ATP23: variants seen among roughly 807,000 people sequenced by gnomAD.
ATP23 encodes mitochondrial inner membrane protease ATP23 homolog.
A neutral mutation model predicts 28.5 loss-of-function variants in ATP23; 24 were observed. That is an observed-to-expected ratio of 0.84 (90% CI 0.61 to 1.18). ATP23 has a LOEUF of 1.18. Ranked by LOEUF, ATP23 falls within the 50% of genes most tolerant of loss-of-function variation. ATP23 has a pLI of 0.00. For missense variants in ATP23, 274 were observed against 306.4 expected, an observed-to-expected ratio of 0.89 and a Z score of 0.79; for synonymous variants, 99 against 108.6, an observed-to-expected ratio of 0.91 and a Z score of 0.55.
At position 57,951,841 on chromosome 12, in the gene ATP23, T is replaced by C; in HGVS notation, c.399T>C (p.His133=). 6.2e-7 allele frequency: 1 copy of C among 1,614,184 alleles called. No homozygotes were observed. Among genetic ancestry groups the C allele is most frequent in the Non-Finnish European group, 8.5e-7 (1 of 1,180,030 alleles). Residue 133 remains histidine, a synonymous_variant, in exon 4 of 6, where the codon CAT becomes CAC. Transcript: ENST00000300145. The part of the protein sequence containing the change: ...VTHELIHAFD[H]CRAHVDWFTN... ...ACGAGCTTATTCATGCATTTGATCATTGTCGTGCCCATGTCGACTGGTTCA... is the reference window on the plus strand; with the variant it reads ...ACGAGCTTATTCATGCATTTGATCACTGTCGTGCCCATGTCGACTGGTTCA...
Position 57,958,401 on chromosome 12 carries a change from C to T in ATP23, c.*1511C>T, listed in dbSNP as rs150565537. On this transcript the variant is annotated 3_prime_UTR_variant, in exon 6 of 6. Coordinates refer to ENST00000300145, the MANE Select transcript of ATP23 (RefSeq NM_033276.4). ...ACCACAACTGATGCTCTCTGGAAAG[C>T]GCTACCTCCTGGCAGGAGGCCAGCC... Among the ~76,000 whole-genome samples, 723 of 152,316 alleles carry T rather than the reference C, an allele frequency of 4.7e-3. 9 individuals carry two copies. The highest frequency in any genetic ancestry group is 0.017 in the African/African-American group (686 of 41,570).
chr12:57,949,543 G>C (rs1035052901), intron 3 of ATP23, among the ~76,000 whole-genome samples: 41 of 152,018 alleles, frequency 2.7e-4, no homozygotes, highest in African/African-American at 9.4e-4. Context: ...GCCTAGGCTG[G>C]AGTGCAGTGG....
chr12:57,953,857 T>C (rs1956839017), intron 5 of ATP23, among the ~76,000 whole-genome samples, 168 bp downstream of exon 5: 1 of 152,264 alleles, frequency 6.6e-6, no homozygotes, highest in African/African-American at 2.4e-5. Flanking sequence ...AGTTCTACTT[T>C]GTAATTATGG....
intron 1 of ATP23, among the ~76,000 whole-genome samples, chr12:57,943,388 G>T (rs1013301491): frequency 1.3e-5 from 2 of 152,122 alleles, no homozygotes; most frequent in African/African-American, 2.4e-5. Context: ...GTGAAGAATA[G>T]ATTTTATGGG....
rs534996348 is a variant in ATP23, at chr12:57,947,068, A to G, written c.307A>G (p.Thr103Ala). ...GNVSGGFDAS[T>A]SQIVLCQNNI... ...TGTCAGTGGAGGTTTTGATGCTTCA[A>G]CATCTCAGGTAGGCATTATTGCCAA... Residue 103 changes from threonine to alanine, a missense_variant, in exon 3 of 6, where the codon ACA becomes GCA. Physicochemically the swap from Thr to Ala is moderately conservative, Grantham distance 58. Coordinates refer to ENST00000300145, the MANE Select transcript of ATP23 (RefSeq NM_033276.4). 1.2e-6 allele frequency: 2 copies of G among 1,613,992 alleles called. No homozygotes were observed. The highest frequency in any genetic ancestry group is 2.7e-5 in the African/African-American group (2 of 75,014).
At chr12:57,954,230 G>A (rs1342156419) in intron 5 of ATP23, among the ~76,000 whole-genome samples, 2 of 148,894 alleles carry the variant, frequency 1.3e-5, no homozygotes. Context: ...CTAAGATCTT[G>A]CATCTGGGAT....
At chr12:57,952,639 A>G (rs1464103076) in intron 4 of ATP23, among the ~76,000 whole-genome samples, 2 of 152,206 alleles carry the variant, frequency 1.3e-5, no homozygotes, top group Admixed American at 6.5e-5. Flanking sequence ...AACTTCGATT[A>G]TTTCCCTTTC....
chr12:57,956,921 C>A lies in ATP23; in HGVS notation c.*31C>A. ...ATGACATTTTTATATTACAGAGCTT[C>A]CATCATCATGAAGAAAAAAAAATTT... On this transcript the variant is annotated 3_prime_UTR_variant, in exon 6 of 6. Transcript: ENST00000300145. The A allele has an allele frequency of 6.5e-7, 1 of 1,544,910 alleles. No homozygotes were observed. The highest frequency in any genetic ancestry group is 8.7e-7 in the Non-Finnish European group (1 of 1,150,876).
At chr12:57,950,960 A>G (rs1295977747) in intron 3 of ATP23, among the ~76,000 whole-genome samples, 3 of 152,244 alleles carry the variant, frequency 2.0e-5, no homozygotes, top group South Asian at 2.1e-4. Flanking sequence ...TTAGGTCTCA[A>G]TAAGTATTAG....
rs369268420 is a variant in ATP23 at position 57,941,738 on chromosome 12, G to A, written c.37G>A (p.Ala13Thr). The A allele has an allele frequency of 2.4e-5, 39 of 1,595,910 alleles. No homozygotes were observed. The African/African-American group carries it at 5.0e-4, about 20-fold the overall frequency. Residue 13 changes from alanine (A) to threonine (T), a missense_variant, in exon 1 of 6, where the codon GCG becomes ACG. Physicochemically the swap from Ala to Thr is moderately conservative, Grantham distance 58. Coordinates refer to ENST00000300145, the MANE Select transcript of ATP23 (RefSeq NM_033276.4). ...GAPDERRRGP[A>T]AGEQLQQQHV... ...TCCGGACGAGCGCCGGCGGGGCCCCGCGGCAGGGGAGCAGCTGCAGCAGCA... is the reference window on the plus strand; with the variant it reads ...TCCGGACGAGCGCCGGCGGGGCCCCACGGCAGGGGAGCAGCTGCAGCAGCA...
rs1026693190 is a variant in ATP23, at chr12:57,958,142, T to A, written c.*1252T>A. On this transcript the variant is annotated 3_prime_UTR_variant, in exon 6 of 6. Coordinates refer to ENST00000300145, the MANE Select transcript of ATP23 (RefSeq NM_033276.4). ...CTACTTCCCTGACAACCTGCATGACTCCCCAGAGGCAGTCATAATCCTCCT... is the reference window on the plus strand; with the variant it reads ...CTACTTCCCTGACAACCTGCATGACACCCCAGAGGCAGTCATAATCCTCCT... Among the ~76,000 whole-genome samples the A allele has an allele frequency of 1.8e-4, 27 of 152,002 alleles. No homozygotes were observed. The highest frequency in any genetic ancestry group is 6.5e-4 in the African/African-American group (27 of 41,434).
chr12:57,958,410 C>CTG lies in ATP23; in HGVS notation c.*1521_*1522dup, dbSNP rs1465359121. 6.6e-6 allele frequency among the ~76,000 whole-genome samples: 1 copy of CTG among 152,202 alleles called. No homozygotes were observed. The highest frequency in any genetic ancestry group is 1.5e-5 in the Non-Finnish European group (1 of 68,026). ...GATGCTCTCTGGAAAGCGCTACCTC[C>CTG]TGGCAGGAGGCCAGCCAGCACAAAA... On this transcript the variant is annotated 3_prime_UTR_variant, in exon 6 of 6. Coordinates refer to ENST00000300145, the MANE Select transcript of ATP23 (RefSeq NM_033276.4).
At chr12:57,950,668 G>C (rs1202188903) in intron 3 of ATP23, among the ~76,000 whole-genome samples, 1 of 151,942 alleles carries the variant, frequency 6.6e-6, no homozygotes, top group Non-Finnish European at 1.5e-5. Flanking sequence ...GGGACTATAG[G>C]CATGTGCCAC....
chr12:57,954,264 G>C (rs891124954), intron 5 of ATP23, among the ~76,000 whole-genome samples: 3 of 151,230 alleles, frequency 2.0e-5, no homozygotes, highest in African/African-American at 7.3e-5. Flanking sequence ...GGTGGATAAG[G>C]AATGGAAGTG....
At chr12:57,942,668 C>T (rs1325808812) in intron 1 of ATP23, among the ~76,000 whole-genome samples, 2 of 152,152 alleles carry the variant, frequency 1.3e-5, no homozygotes, top group Non-Finnish European at 2.9e-5. Flanking sequence ...CGTGATCTGC[C>T]TGCCTCGGCC....
At chr12:57,943,679 T>TA (rs34125659) in intron 1 of ATP23, among the ~76,000 whole-genome samples, 51 of 142,062 alleles carry the variant, frequency 3.6e-4, no homozygotes, top group East Asian at 4.1e-4. Flanking sequence ...AGACCCTGTC[T>TA]AAAAAAAAAA....
chr12:57,951,629 A>G, intron 3 of ATP23, 129 bp from the exon 4 acceptor site: 1 of 998,066 alleles, frequency 1.0e-6, no homozygotes, highest in Non-Finnish European at 1.5e-6. Flanking sequence ...GCCAATGAAG[A>G]AGAGTGGGTA....
intron 4 of ATP23, among the ~76,000 whole-genome samples, chr12:57,952,990 G>A (rs771331179): frequency 2.0e-5 from 3 of 152,272 alleles, no homozygotes; most frequent in Admixed American, 6.5e-5. Flanking sequence ...TGCTCATAGC[G>A]TGACCAGTTT....
chr12:57,947,224 T>C, intron 3 of ATP23, 148 bp downstream of exon 3: 1 of 668,880 alleles, frequency 1.5e-6, no homozygotes, highest in Non-Finnish European at 2.5e-6. Context: ...AGGAGTTTAC[T>C]CTTAAAATCT....
Sources: allele counts gnomAD v4.1 joint callset (sites outside exome capture counted in the v4.1 genomes callset), GRCh38; gene constraint gnomAD v4.1.1; transcripts MANE v1.5; gene names NCBI Gene and HGNC (gene_info 2026-07-23, HGNC 2026-07-21).